The following WWP2 variants were observed in gnomAD, a reference collection of about 807,000 sequenced individuals.
The protein encoded by WWP2 is NEDD4-like E3 ubiquitin-protein ligase WWP2.
WWP2 carries 57 observed loss-of-function variants against 121.0 expected under a neutral mutation model. The observed-to-expected ratio is 0.47, with a 90% CI of 0.38 to 0.59. The LOEUF is 0.59. Among genes scored for constraint, WWP2 ranks in the 20% least tolerant of loss-of-function variants. The pLI is 0.00. For synonymous variants in WWP2, 449 were observed against 441.3 expected (o/e 1.02, Z -0.22); for missense variants, 962 against 1,158.9 (o/e 0.83, Z 2.47).
intron 6 of WWP2, among the ~76,000 whole-genome samples, chr16:69,857,607 G>T (rs8047194): frequency 0.53 from 78,215 of 148,888 alleles, 21,122 homozygotes; most frequent in East Asian, 0.9. Context: ...TATATTTTGG[G>T]TCTACTTTGT....
chr16:69,764,348 G>C (rs1014655756), intron 1 of WWP2, among the ~76,000 whole-genome samples: 1 of 152,088 alleles, frequency 6.6e-6, no homozygotes, highest in Non-Finnish European at 1.5e-5. Flanking sequence ...CTACAGGTGG[G>C]TGCCACCTCG....
At chr16:69,901,729 T>C (rs2058208642) in intron 8 of WWP2, among the ~76,000 whole-genome samples, 1 of 152,192 alleles carries the variant, frequency 6.6e-6, no homozygotes, top group Non-Finnish European at 1.5e-5. Flanking sequence ...AAGCTGATAA[T>C]GCTCTTACCA....
intron 4 of WWP2, among the ~76,000 whole-genome samples, chr16:69,830,771 C>T (rs1286664751): frequency 6.6e-6 from 1 of 152,126 alleles, no homozygotes; most frequent in Non-Finnish European, 1.5e-5. Context: ...GAAGAGCCAT[C>T]GTAACAGTAA....
At chr16:69,898,318 A>G (rs1395991081) in intron 8 of WWP2, among the ~76,000 whole-genome samples, 1 of 151,364 alleles carries the variant, frequency 6.6e-6, no homozygotes, top group Non-Finnish European at 1.5e-5. Flanking sequence ...GTGAGCCACC[A>G]CTCCCAGCCA....
chr16:69,902,577 C>T (rs1169254982), intron 8 of WWP2, among the ~76,000 whole-genome samples: 7 of 152,082 alleles, frequency 4.6e-5, no homozygotes, highest in South Asian at 2.1e-4. Flanking sequence ...CGGAAGCTAT[C>T]GAGGGGGACA....
chr16:69,933,493 CTGTGT>C (rs2058749548), intron 16 of WWP2, among the ~76,000 whole-genome samples: 1 of 152,150 alleles, frequency 6.6e-6, no homozygotes, highest in African/African-American at 2.4e-5. Context: ...AAATGTGTTG[CTGTGT>C]ATTTACGTTA....
At chr16:69,890,181 C>A (rs1266098284) in intron 8 of WWP2, among the ~76,000 whole-genome samples, 1 of 150,110 alleles carries the variant, frequency 6.7e-6, no homozygotes, top group Admixed American at 6.7e-5. Context: ...CTGGCTTAAG[C>A]CACTTTCAAA....
chr16:69,882,471 G>A (rs566430901), intron 7 of WWP2, among the ~76,000 whole-genome samples: 3 of 152,042 alleles, frequency 2.0e-5, no homozygotes, highest in South Asian at 4.1e-4. Context: ...TAAGCATTAC[G>A]GACAATGTAA....
At chr16:69,899,345 A>G (rs1300805128) in intron 8 of WWP2, among the ~76,000 whole-genome samples, 1 of 152,186 alleles carries the variant, frequency 6.6e-6, no homozygotes, top group Non-Finnish European at 1.5e-5. Flanking sequence ...TACCCATCTC[A>G]GCAACAACAA....
At chr16:69,786,537 G>A (rs1047107541) in intron 1 of WWP2, among the ~76,000 whole-genome samples, 4 of 132,500 alleles carry the variant, frequency 3.0e-5, no homozygotes, top group African/African-American at 5.8e-5. Context: ...TGCAACCTCC[G>A]CCTCCTGGGC....
At chr16:69,936,184 T>C in intron 18 of WWP2, 128 bp from the exon 19 acceptor site, 1 of 1,467,000 alleles carries the variant, frequency 6.8e-7, no homozygotes, top group Non-Finnish European at 9.3e-7. Context: ...GTCAAGGAGC[T>C]GTCCCCTGTC....
In WWP2 at chr16:69,909,339, A is replaced by G. The variant is rs112865773; in HGVS notation, c.1004+489A>G. ...AAAAGGGGATGTATTCTGCTCCAAGAAAGAATCACCTCCCAGTAAAGTAGC... is the reference window on the plus strand; with the variant it reads ...AAAAGGGGATGTATTCTGCTCCAAGGAAGAATCACCTCCCAGTAAAGTAGC... On this transcript the variant is annotated intron_variant, in intron 9 of 23. Transcript: ENST00000359154. The G allele has an allele frequency of 1.8e-3, 1,767 of 986,312 alleles. 4 individuals are homozygous for G. Among genetic ancestry groups the G allele is most frequent in the Middle Eastern group, 0.01 (20 of 1,916 alleles). The allele number at this position is 986,312 out of a possible 1,614,324, so 61.1% of individuals were successfully genotyped here. A position where few individuals can be genotyped will look rare whatever the true frequency, so the allele number is the denominator to read the frequency against.
At chr16:69,846,130 C>T (rs1037243093) in intron 6 of WWP2, among the ~76,000 whole-genome samples, 4 of 150,314 alleles carry the variant, frequency 2.7e-5, no homozygotes, top group South Asian at 2.1e-4. Context: ...GCAATTCATG[C>T]GGCATACATT....
intron 4 of WWP2, among the ~76,000 whole-genome samples, chr16:69,815,499 AGG>A (rs796991895): frequency 1.3e-5 from 2 of 149,246 alleles, no homozygotes; most frequent in Admixed American, 6.7e-5. Flanking sequence ...AAAAAAAAAA[AGG>A]AGAGGGGCAG....
intron 4 of WWP2, among the ~76,000 whole-genome samples, chr16:69,839,136 TAAAAC>T (rs1229959012): frequency 3.5e-5 from 1 of 28,588 alleles, no homozygotes; most frequent in Non-Finnish European, 6.2e-5. Context: ...AACTAAGAAA[TAAAAC>T]AAAGTGTTGG....
chr16:69,835,889 G>A (rs902083940), intron 4 of WWP2, among the ~76,000 whole-genome samples: 3 of 149,838 alleles, frequency 2.0e-5, no homozygotes, highest in Non-Finnish European at 3.0e-5. Context: ...TGCAATCTCC[G>A]CCTGCCGTGT....
At chr16:69,889,311 C>T (rs1230370379) in intron 8 of WWP2, among the ~76,000 whole-genome samples, 1 of 152,158 alleles carries the variant, frequency 6.6e-6, no homozygotes, top group East Asian at 1.9e-4. Context: ...GACTATGAAG[C>T]GAGACCCCTG....
At chr16:69,776,584 C>T (rs1486837388) in intron 1 of WWP2, among the ~76,000 whole-genome samples, 1 of 152,162 alleles carries the variant, frequency 6.6e-6, no homozygotes, top group East Asian at 1.9e-4. Context: ...AATCCCAGCA[C>T]TTTGGGAGGC....
chr16:69,929,327 T>C (rs1401248871), intron 11 of WWP2, 121 bp from the exon 12 acceptor site: 20 of 870,480 alleles, frequency 2.3e-5, no homozygotes, highest in Non-Finnish European at 2.9e-5. Flanking sequence ...GGTTCTTCTC[T>C]AACAGGCTGA....
Sources: gnomAD v4.1 joint callset for allele counts (sites outside exome capture counted in the v4.1 genomes callset) on GRCh38, gnomAD v4.1.1 for gene constraint, MANE v1.5 for transcripts, NCBI Gene and HGNC (gene_info 2026-07-23, HGNC 2026-07-21) for gene names.